UBR1: variants seen among roughly 807,000 people sequenced by gnomAD.
The protein encoded by UBR1 is E3 ubiquitin-protein ligase UBR1.
In UBR1, 102 loss-of-function variants were observed where a neutral mutation model predicts 242.1. That is an observed-to-expected ratio of 0.42 (90% confidence interval 0.36 to 0.50). The LOEUF is 0.50. Among genes scored for constraint, UBR1 ranks in the 20% least tolerant of loss-of-function variants. The probability of loss-of-function intolerance (pLI) is 0.01; values close to 1 mark genes in which losing one functional copy is unlikely to be tolerated. For missense variants in UBR1, 1,772 were observed against 2,101.8 expected (o/e 0.84, Z 3.07); for synonymous variants, 675 against 684.8 (o/e 0.99, Z 0.22).
At chr15:43,051,732 A>G (rs1391475589) in intron 12 of UBR1, among the ~76,000 whole-genome samples, 3 of 152,182 alleles carry the variant, frequency 2.0e-5, no homozygotes, top group African/African-American at 7.2e-5. Context: ...CCAAGTAAAG[A>G]AGATGTAAGG....
intron 35 of UBR1, chr15:42,988,613 A>G: frequency 1.5e-6 from 1 of 664,400 alleles, no homozygotes; most frequent in Non-Finnish European, 2.6e-6. Context: ...CTTATGTTGC[A>G]TATGGCCACA....
intron 37 of UBR1, among the ~76,000 whole-genome samples, chr15:42,978,216 T>C (rs374874051): frequency 1.3e-5 from 2 of 152,188 alleles, no homozygotes; most frequent in African/African-American, 4.8e-5. Context: ...AATATAGAGA[T>C]TGTTAAAGAA....
chr15:43,020,537 C>T (rs531255717), intron 27 of UBR1, among the ~76,000 whole-genome samples: 91 of 152,284 alleles, frequency 6.0e-4, no homozygotes, highest in Non-Finnish European at 4.1e-4. Flanking sequence ...TATGCCTATC[C>T]CCCATAATCC....
chr15:43,100,717 C>T (rs928869682), intron 1 of UBR1, among the ~76,000 whole-genome samples: 16 of 152,190 alleles, frequency 1.1e-4, no homozygotes, highest in Non-Finnish European at 1.9e-4. Context: ...CCCCTGTAGT[C>T]CCAGCTACTC....
chr15:43,005,104 G>A (rs2032790803), intron 30 of UBR1, among the ~76,000 whole-genome samples: 1 of 151,624 alleles, frequency 6.6e-6, no homozygotes, highest in Non-Finnish European at 1.5e-5. Context: ...TCTCTGCCCA[G>A]CCGCCCCGTC....
intron 28 of UBR1, 102 bp from the exon 29 acceptor site, chr15:43,015,971 G>T: frequency 9.7e-7 from 1 of 1,033,694 alleles, no homozygotes; most frequent in Non-Finnish European, 1.5e-6. Context: ...CTGAAACCCT[G>T]ATTACCCCTT....
At chr15:42,946,052 G>A (rs936554855) in intron 46 of UBR1, among the ~76,000 whole-genome samples, 2 of 152,230 alleles carry the variant, frequency 1.3e-5, no homozygotes, top group Admixed American at 6.5e-5. Context: ...GCTGTTGCCA[G>A]TAACGGAGAA....
At chr15:43,012,846 A>G (rs1269796946) in intron 29 of UBR1, among the ~76,000 whole-genome samples, 2 of 152,212 alleles carry the variant, frequency 1.3e-5, no homozygotes, top group African/African-American at 2.4e-5. Context: ...TTAAAGATAC[A>G]TATCAGATAG....
chr15:43,071,430 T>G (rs1032001127), intron 4 of UBR1, among the ~76,000 whole-genome samples: 14 of 152,114 alleles, frequency 9.2e-5, no homozygotes, highest in Non-Finnish European at 1.8e-4. Context: ...AAGCAGAAGA[T>G]AGAAAGGTGG....
chr15:43,029,974 G>A lies in UBR1; in HGVS notation c.2349C>T (p.His783=). 2 of 1,614,088 alleles carry A rather than the reference G, an allele frequency of 1.2e-6. No individual in the cohort carries two copies. The highest frequency in any genetic ancestry group is 2.2e-5 in the East Asian group (1 of 44,868). ...CAGGTAAATTTTTGGCAATGGCACTGTGTGGCATGGGTTCAATGCAAAGCA... is the reference window on the plus strand; with the variant it reads ...CAGGTAAATTTTTGGCAATGGCACTATGTGGCATGGGTTCAATGCAAAGCA... ...IHLLCIEPMP[H]SAIAKNLPEN... Residue 783 remains histidine, a synonymous_variant, in exon 21 of 47, where the codon CAC becomes CAT. Transcript: ENST00000290650.
intron 30 of UBR1, among the ~76,000 whole-genome samples, chr15:43,004,716 T>C: frequency 6.6e-6 from 1 of 152,066 alleles, no homozygotes; most frequent in Non-Finnish European, 1.5e-5. Context: ...AGTGGCGTGA[T>C]CTCGGCTCGC....
At chr15:43,047,485 T>C (rs1006081196) in intron 13 of UBR1, among the ~76,000 whole-genome samples, 196 bp from the exon 14 acceptor site, 2 of 152,258 alleles carry the variant, frequency 1.3e-5, no homozygotes, top group Non-Finnish European at 2.9e-5. Context: ...CAGCTCTGTC[T>C]GGTATTTCTA....
In UBR1 at chr15:43,029,951, G is replaced by A; in HGVS notation, c.2372C>T (p.Pro791Leu). The A allele has an allele frequency of 6.2e-7, 1 of 1,613,990 alleles. No individual in the cohort carries two copies. Among genetic ancestry groups the A allele is most frequent in the Non-Finnish European group, 8.5e-7 (1 of 1,179,964 alleles). ...MPHSAIAKNLPENENNETGLE... is the reference protein window; with the variant it reads ...MPHSAIAKNLLENENNETGLE... ...AACCAAAATCAGACTTACATTCTCA[G>A]GTAAATTTTTGGCAATGGCACTGTG... Residue 791 changes from proline (P) to leucine (L), a missense_variant, in exon 21 of 47, where the codon CCT becomes CTT. This residue lies in a region of UBR1 where 73 missense variants were observed against 128.9 expected (regional missense o/e 0.57). Coordinates refer to ENST00000290650, the MANE Select transcript of UBR1 (RefSeq NM_174916.3).
In UBR1 at chr15:43,015,841, C is replaced by T. The variant is rs1487286460; in HGVS notation, c.3056G>A (p.Arg1019Gln). 5 of 1,613,996 alleles carry T rather than the reference C, an allele frequency of 3.1e-6. No individual in the cohort carries two copies. The highest frequency in any genetic ancestry group is 4.2e-6 in the Non-Finnish European group (5 of 1,179,998). Residue 1019 changes from arginine to glutamine, a missense_variant, in exon 29 of 47, where the codon CGA becomes CAA. Arg to Gln is a conservative substitution (Grantham distance 43, BLOSUM62 1). Around this residue, in one of 3 missense-constraint regions of UBR1, gnomAD observed 965 missense variants for 1,079.7 expected, o/e 0.89. Transcript: ENST00000290650. ...CCTAGCAGCTTCAGCTTTTCTTTTT[C>T]GTTCTGCTTTTTCTTTATCATGAGT... ...EITHDKEKAE[R>Q]KRKAEAARLH...
intron 6 of UBR1, among the ~76,000 whole-genome samples, chr15:43,067,133 C>T (rs1345256861): frequency 1.3e-5 from 2 of 151,980 alleles, no homozygotes; most frequent in Non-Finnish European, 2.9e-5. Context: ...GGTTATAGGG[C>T]TTAAATGAGA....
intron 14 of UBR1, among the ~76,000 whole-genome samples, chr15:43,044,296 A>T (rs2033456438): frequency 6.6e-6 from 1 of 152,240 alleles, no homozygotes; most frequent in South Asian, 2.1e-4. Context: ...TGGAGAGGAT[A>T]AAGTTAGTAG....
intron 27 of UBR1, among the ~76,000 whole-genome samples, chr15:43,018,727 G>A (rs1288707642): frequency 6.6e-6 from 1 of 152,114 alleles, no homozygotes; most frequent in Non-Finnish European, 1.5e-5. Context: ...TTGGTCTCAT[G>A]AGGAAAAATT....
intron 39 of UBR1, among the ~76,000 whole-genome samples, chr15:42,972,350 G>T (rs1437580997): frequency 6.6e-6 from 1 of 151,880 alleles, no homozygotes. Context: ...TCATCACTCG[G>T]TAACTCATTT....
At chr15:43,067,011 G>C (rs1391936200) in intron 6 of UBR1, among the ~76,000 whole-genome samples, 2 of 152,164 alleles carry the variant, frequency 1.3e-5, no homozygotes. Context: ...TATGTACTCA[G>C]AATGGGTTAC....
Sources: gnomAD v4.1 joint callset for allele counts (sites outside exome capture counted in the v4.1 genomes callset) on GRCh38, gnomAD v4.1.1 for gene constraint, gnomAD v4.1.1 regional missense constraint, MANE v1.5 for transcripts, NCBI Gene and HGNC (gene_info 2026-07-23, HGNC 2026-07-21) for gene names.